CSMD1: variants seen among roughly 807,000 people sequenced by gnomAD.
CSMD1 encodes CUB and Sushi multiple domains 1.
A neutral mutation model predicts 417.5 loss-of-function variants in CSMD1; 213 were observed. The observed-to-expected ratio is 0.51, with a 90% CI of 0.46 to 0.57. CSMD1 has a LOEUF of 0.57. CSMD1 is among the 20% of genes least tolerant of loss of function. CSMD1 has a pLI of 0.00. For missense variants in CSMD1, 6,923 were observed against 4,529.7 expected, an observed-to-expected ratio of 1.53 and a Z score of -15.17; for synonymous variants, 2,862 against 1,736.8, an observed-to-expected ratio of 1.65 and a Z score of -16.11.
At chr8:3,662,668 A>C (rs375739165) in intron 7 of CSMD1, among the ~76,000 whole-genome samples, 1 of 152,122 alleles carries the variant, frequency 6.6e-6, no homozygotes, top group Non-Finnish European at 1.5e-5. Context: ...CATGAAGAAC[A>C]ATCAGTTCAT....
intron 2 of CSMD1, among the ~76,000 whole-genome samples, chr8:4,529,955 C>G (rs1796711609): frequency 6.6e-6 from 1 of 151,670 alleles, no homozygotes; most frequent in Non-Finnish European, 1.5e-5. Context: ...CGATTTGTCA[C>G]CCAGGCTGGA....
intron 1 of CSMD1, among the ~76,000 whole-genome samples, chr8:4,769,506 T>C (rs1044233718): frequency 1.3e-5 from 2 of 152,228 alleles, no homozygotes; most frequent in African/African-American, 4.8e-5. Context: ...AAAAAAATTA[T>C]GAAATACTTA....
intron 6 of CSMD1, among the ~76,000 whole-genome samples, chr8:3,715,709 T>A (rs2720791): frequency 0.82 from 124,849 of 151,936 alleles, 51,536 homozygotes; most frequent in East Asian, 0.93. Flanking sequence ...AACCCACCTA[T>A]TTTTTGTATT....
intron 5 of CSMD1, among the ~76,000 whole-genome samples, chr8:3,916,031 C>G (rs2930363): frequency 0.44 from 66,798 of 150,566 alleles, 15,036 homozygotes; most frequent in South Asian, 0.57. Context: ...ACTGCAGACA[C>G]AAGACAAATG....
chr8:3,331,274 G>C (rs926061778), intron 23 of CSMD1, among the ~76,000 whole-genome samples: 1 of 151,274 alleles, frequency 6.6e-6, no homozygotes, highest in Non-Finnish European at 1.5e-5. Context: ...TCCCTATTTA[G>C]ATTCTGATTT....
intron 2 of CSMD1, 75 bp from the exon 3 acceptor site, chr8:4,420,140 C>T: frequency 1.0e-6 from 1 of 1,003,202 alleles, no homozygotes; most frequent in Admixed American, 2.0e-5. Context: ...GATGAAGTCA[C>T]TGAATAACTT....
intron 26 of CSMD1, among the ~76,000 whole-genome samples, chr8:3,232,448 T>C (rs1408873232): frequency 6.6e-6 from 1 of 152,212 alleles, no homozygotes; most frequent in Non-Finnish European, 1.5e-5. Context: ...GCTGTATAGT[T>C]TTCCATTGCA....
chr8:3,635,542 G>A (rs1353605000), intron 7 of CSMD1, among the ~76,000 whole-genome samples: 4 of 147,950 alleles, frequency 2.7e-5, no homozygotes, highest in Non-Finnish European at 4.5e-5. Context: ...GGAGTGCAGT[G>A]GCGCGATCTC....
chr8:3,005,143 G>A (rs1413015964), intron 52 of CSMD1, among the ~76,000 whole-genome samples: 1 of 152,050 alleles, frequency 6.6e-6, no homozygotes, highest in East Asian at 1.9e-4. Context: ...TGTCTCAAAA[G>A]ATAATAAAAA....
intron 9 of CSMD1, among the ~76,000 whole-genome samples, chr8:3,580,966 T>A (rs533908839): frequency 2.6e-5 from 4 of 152,202 alleles, no homozygotes; most frequent in Non-Finnish European, 5.9e-5. Flanking sequence ...AACGCAATAA[T>A]AACTTTATTC....
chr8:4,395,682 A>G (rs1200069437), intron 3 of CSMD1, among the ~76,000 whole-genome samples: 2 of 152,228 alleles, frequency 1.3e-5, no homozygotes, highest in Non-Finnish European at 2.9e-5. Flanking sequence ...CTAGGGAGAC[A>G]TAAACACAAA....
intron 1 of CSMD1, among the ~76,000 whole-genome samples, chr8:4,730,028 C>T (rs2116950397): frequency 6.6e-6 from 1 of 152,258 alleles, no homozygotes; most frequent in South Asian, 2.1e-4. Context: ...CACCTGCTCC[C>T]ATGTTAATGT....
chr8:4,822,155 G>A (rs1019887451), intron 1 of CSMD1, among the ~76,000 whole-genome samples: 1 of 151,862 alleles, frequency 6.6e-6, no homozygotes, highest in Admixed American at 6.6e-5. Context: ...ATAAGCCTCT[G>A]AATTTACTTC....
At chr8:4,262,098 A>T (rs1803927389) in intron 3 of CSMD1, among the ~76,000 whole-genome samples, 1 of 152,150 alleles carries the variant, frequency 6.6e-6, no homozygotes, top group South Asian at 2.1e-4. Flanking sequence ...AGTCACTATT[A>T]CTGTTACTTC....
At chr8:4,930,954 G>T (rs187988692) in intron 1 of CSMD1, among the ~76,000 whole-genome samples, 1 of 152,226 alleles carries the variant, frequency 6.6e-6, no homozygotes, top group East Asian at 1.9e-4. Context: ...ATTTACAGAA[G>T]CTTATGGAAC....
At chr8:3,258,805 G>T (rs1260486948) in intron 26 of CSMD1, among the ~76,000 whole-genome samples, 1 of 152,214 alleles carries the variant, frequency 6.6e-6, no homozygotes, top group Admixed American at 6.5e-5. Context: ...CATGGATGGA[G>T]CTGGAGGCCA....
intron 36 of CSMD1, among the ~76,000 whole-genome samples, chr8:3,184,680 C>G (rs1300150618): frequency 6.6e-6 from 1 of 152,190 alleles, no homozygotes. Context: ...GGTCAACTTC[C>G]TGATCTATAC....
chr8:4,843,776 T>C (rs1390850248), intron 1 of CSMD1, among the ~76,000 whole-genome samples: 1 of 152,230 alleles, frequency 6.6e-6, no homozygotes, highest in Admixed American at 6.5e-5. Flanking sequence ...CTCTGGAACG[T>C]ATCCGTTGAA....
chr8:3,064,524 C>T (rs1812792776), intron 49 of CSMD1, among the ~76,000 whole-genome samples: 1 of 152,118 alleles, frequency 6.6e-6, no homozygotes, highest in Non-Finnish European at 1.5e-5. Flanking sequence ...TCATAAATTA[C>T]CCAGTCTCAG....
Sources: gnomAD v4.1 joint callset for allele counts (sites outside exome capture counted in the v4.1 genomes callset) on GRCh38, gnomAD v4.1.1 for gene constraint, MANE v1.5 for transcripts, NCBI Gene and HGNC (gene_info 2026-07-23, HGNC 2026-07-21) for gene names.